The following PLCE1 variants were observed in gnomAD, a reference collection of about 807,000 sequenced individuals.
PLCE1 encodes 1-phosphatidylinositol 4,5-bisphosphate phosphodiesterase epsilon-1.
Under a neutral mutation model 242.8 loss-of-function variants are expected in PLCE1, and 119 were observed. The observed-to-expected ratio is 0.49, with a 90% confidence interval of 0.42 to 0.57. The LOEUF is 0.57. Among genes scored for constraint, PLCE1 ranks in the 20% least tolerant of loss-of-function variants. The pLI is 0.00. For missense variants in PLCE1, 2,441 were observed against 2,788.8 expected, an observed-to-expected ratio of 0.88 and a Z score of 2.81; for synonymous variants, 945 against 1,017.4, an observed-to-expected ratio of 0.93 and a Z score of 1.35.
At position 94,265,862 on chromosome 10, in the gene PLCE1, G is replaced by A; in HGVS notation, c.4185G>A (p.Gln1395=). The change falls in exon 16 of 33, where the codon CAG becomes CAA. Residue 1395 remains glutamine (Q), a synonymous_variant. Transcript: ENST00000371380. ...CACAGGAGAACATTAAAGAACTGCA[G>A]CTACCCCTCTCATACTATTACATCG... ...DESQENIKEL[Q]LPLSYYYIES... The A allele has an allele frequency of 6.2e-7, 1 of 1,614,006 alleles. No homozygotes were observed. The highest frequency in any genetic ancestry group is 1.3e-5 in the African/African-American group (1 of 75,034).
chr10:94,038,422 C>T lies in PLCE1; in HGVS notation c.1206+6170C>T, dbSNP rs2061707049. On this transcript the variant is annotated intron_variant, in intron 2 of 32. Transcript: ENST00000371380. ...TTTATTCTAGTGGCTTGCTTAAACA[C>T]ATTCAGAGCTTCACATTAAATATAG... is the stretch of plus-strand genomic sequence containing the variant. 3.3e-5 allele frequency among the ~76,000 whole-genome samples: 5 copies of T among 152,258 alleles called. No individual in the cohort carries two copies. The South Asian group carries it at 8.3e-4, about 25-fold the overall frequency.
rs182480150 is a variant in PLCE1 at position 94,031,488 on chromosome 10, G to A, written c.442G>A (p.Val148Met). Residue 148 changes from valine (V) to methionine (M), a missense_variant, in exon 2 of 33, where the codon GTG (valine) becomes ATG (methionine). Coordinates refer to ENST00000371380, the MANE Select transcript of PLCE1 (RefSeq NM_016341.4). ...TGIPSPLERK[V>M]FPGIQLELDR... ...AATTCCTTCTCCACTGGAAAGAAAG[G>A]TGTTCCCTGGAATTCAACTGGAACT... is the stretch of plus-strand genomic sequence containing the variant. 1 of 1,613,162 alleles carries A rather than the reference G, an allele frequency of 6.2e-7. No homozygotes were observed. Among genetic ancestry groups the A allele is most frequent in the East Asian group, 2.2e-5 (1 of 44,872 alleles).
At chr10:94,004,014 G>A (rs1452092436) in intron 1 of PLCE1, among the ~76,000 whole-genome samples, 1 of 152,122 alleles carries the variant, frequency 6.6e-6, no homozygotes, top group African/African-American at 2.4e-5. Flanking sequence ...GGGCATGGTG[G>A]TGGGCGCCTG....
chr10:94,130,536 C>T (rs1403820236), intron 2 of PLCE1, among the ~76,000 whole-genome samples: 1 of 152,148 alleles, frequency 6.6e-6, no homozygotes, highest in Non-Finnish European at 1.5e-5. Flanking sequence ...AGCTTGTTCA[C>T]ACTTAATGAC....
intron 4 of PLCE1, among the ~76,000 whole-genome samples, chr10:94,190,261 T>C (rs1215234151): frequency 1.3e-5 from 2 of 152,234 alleles, no homozygotes; most frequent in Non-Finnish European, 1.5e-5. Flanking sequence ...GTCTGGCTGA[T>C]AGAGCCCAAC....
At chr10:94,327,211 A>C (rs564683843) in intron 32 of PLCE1, among the ~76,000 whole-genome samples, 1 of 152,200 alleles carries the variant, frequency 6.6e-6, no homozygotes, top group African/African-American at 2.4e-5. Context: ...CATCTATGTG[A>C]ATTGACATCC....
chr10:94,191,444 C>T (rs895363758), intron 4 of PLCE1, among the ~76,000 whole-genome samples: 5 of 152,030 alleles, frequency 3.3e-5, no homozygotes, highest in African/African-American at 7.2e-5. Flanking sequence ...GAGTTTGAGA[C>T]GAGCCTGGGC....
intron 2 of PLCE1, chr10:94,107,993 A>C (rs903450726): frequency 1.3e-5 from 2 of 152,200 alleles, no homozygotes; most frequent in African/African-American, 4.8e-5. Context: ...TGTGGATCTA[A>C]CCAACGGGAG....
intron 2 of PLCE1, among the ~76,000 whole-genome samples, chr10:94,054,464 G>A (rs1208997290): frequency 6.6e-6 from 1 of 152,162 alleles, no homozygotes; most frequent in East Asian, 1.9e-4. Flanking sequence ...GAAAGGGAAG[G>A]ATTGGAGTTT....
At chr10:94,271,515 C>T (rs569684367) in intron 18 of PLCE1, among the ~76,000 whole-genome samples, 38 of 151,706 alleles carry the variant, frequency 2.5e-4, no homozygotes, top group Non-Finnish European at 5.2e-4. Flanking sequence ...GGGGTTTCAC[C>T]ATGTTAGCCA....
intron 4 of PLCE1, among the ~76,000 whole-genome samples, chr10:94,224,014 C>CA (rs2049853278): frequency 6.6e-6 from 1 of 152,042 alleles, no homozygotes; most frequent in Admixed American, 6.6e-5. Context: ...GTGGCCCTCT[C>CA]ACCATTTAAT....
chr10:94,258,021 G>A (rs902741048), intron 11 of PLCE1, among the ~76,000 whole-genome samples: 19 of 152,128 alleles, frequency 1.2e-4, no homozygotes, highest in Non-Finnish European at 2.5e-4. Context: ...AAAAAATGTT[G>A]TGAAACAGTA....
chr10:94,066,429 T>C lies in PLCE1; in HGVS notation c.1206+34177T>C, dbSNP rs546278322. Among the ~76,000 whole-genome samples the C allele has an allele frequency of 8.5e-5, 13 of 152,254 alleles. 1 individual carries two copies. The East Asian group carries it at 2.1e-3, about 25-fold the overall frequency. On this transcript the variant is annotated intron_variant, in intron 2 of 32. Transcript: ENST00000371380. ...GCTGCCCAGACTACAAGACCTATAGTCACACAATTCACAGTGTTATGGGGC... is the reference window on the plus strand; with the variant it reads ...GCTGCCCAGACTACAAGACCTATAGCCACACAATTCACAGTGTTATGGGGC...
At chr10:94,187,746 AAATCTT>A (rs1467764649) in intron 4 of PLCE1, among the ~76,000 whole-genome samples, 3 of 152,210 alleles carry the variant, frequency 2.0e-5, no homozygotes, top group Non-Finnish European at 4.4e-5. Context: ...TTACAAGGTG[AAATCTT>A]AATCCCACGA....
chr10:94,073,269 T>A (rs1241095485), intron 2 of PLCE1, among the ~76,000 whole-genome samples: 1 of 152,186 alleles, frequency 6.6e-6, no homozygotes, highest in Non-Finnish European at 1.5e-5. Flanking sequence ...ACTAGCATAG[T>A]ATACTAATCA....
intron 2 of PLCE1, among the ~76,000 whole-genome samples, chr10:94,122,233 A>G (rs1158076916): frequency 6.6e-6 from 1 of 152,150 alleles, no homozygotes; most frequent in Admixed American, 6.6e-5. Context: ...GTCCCCATGT[A>G]ATTCATTAAT....
chr10:94,238,128 A>G (rs2050383645), intron 7 of PLCE1, among the ~76,000 whole-genome samples: 1 of 152,238 alleles, frequency 6.6e-6, no homozygotes, highest in Non-Finnish European at 1.5e-5. Flanking sequence ...AAAAAGTTCA[A>G]GATTTATTTT....
intron 4 of PLCE1, among the ~76,000 whole-genome samples, chr10:94,222,789 G>A (rs1028224760): frequency 3.9e-5 from 6 of 152,162 alleles, no homozygotes; most frequent in Admixed American, 3.3e-4. Flanking sequence ...CTCTGGCCTG[G>A]CTTTAGGCCT....
chr10:94,293,321 G>C (rs1458101121), intron 22 of PLCE1, among the ~76,000 whole-genome samples, 187 bp from the exon 23 acceptor site: 1 of 152,152 alleles, frequency 6.6e-6, no homozygotes, highest in Non-Finnish European at 1.5e-5. Flanking sequence ...TGCCTATAGA[G>C]ATTTTTAAAA....
Sources: allele counts gnomAD v4.1 joint callset (sites outside exome capture counted in the v4.1 genomes callset), GRCh38; gene constraint gnomAD v4.1.1; transcripts MANE v1.5; gene names NCBI Gene and HGNC (gene_info 2026-07-23, HGNC 2026-07-21).